Variants in CTIF observed in about 807,000 individuals in gnomAD.
CTIF encodes the protein CBP80/20-dependent translation initiation factor.
CTIF carries 21 observed loss-of-function variants against 66.0 expected under a neutral mutation model. The ratio of observed to expected loss-of-function variants is 0.32; its 90% confidence interval spans 0.23 to 0.46. The LOEUF (loss-of-function observed/expected upper bound fraction) is 0.46, where lower values mean the gene tolerates loss of function less well. CTIF is among the 20% of genes least tolerant of loss of function. The probability of loss-of-function intolerance (pLI) is 1.00; values close to 1 mark genes in which losing one functional copy is unlikely to be tolerated. For synonymous variants in CTIF, 345 were observed against 326.4 expected (o/e 1.06, Z -0.62); for missense variants, 739 against 812.7 (o/e 0.91, Z 1.10).
At chr18:48,843,807 C>G (rs2069006182) in intron 10 of CTIF, among the ~76,000 whole-genome samples, 1 of 152,170 alleles carries the variant, frequency 6.6e-6, no homozygotes. Flanking sequence ...TTTGGCCGGC[C>G]TCTCCCCATC....
intron 1 of CTIF, among the ~76,000 whole-genome samples, chr18:48,603,910 G>A (rs1323589094): frequency 8.0e-5 from 12 of 150,112 alleles, no homozygotes; most frequent in East Asian, 5.9e-4. Context: ...GAGCAGAGGC[G>A]CAATCTTGGC....
intron 9 of CTIF, among the ~76,000 whole-genome samples, chr18:48,812,957 T>C (rs533846917): frequency 3.7e-4 from 57 of 152,276 alleles, no homozygotes; most frequent in African/African-American, 1.3e-3. Context: ...AAAACTTCTC[T>C]AATTCACAGA....
Position 48,823,594 on chromosome 18 carries a change from G to A in CTIF, c.1527+6218G>A, listed in dbSNP as rs1487361443. ...GGGATACATTTTGAAATTAGGAAGT[G>A]TGATTGCCTCAAGCTTTGTTCTTCT... On this transcript the variant is annotated intron_variant, in intron 10 of 11. Transcript: ENST00000256413. Among the ~76,000 whole-genome samples the A allele has an allele frequency of 3.9e-5, 6 of 152,210 alleles. No homozygotes were observed. In the South Asian group the frequency reaches 1.2e-3, roughly 32 times the overall value.
At chr18:48,813,049 A>G (rs576218875) in intron 9 of CTIF, among the ~76,000 whole-genome samples, 2 of 148,440 alleles carry the variant, frequency 1.3e-5, no homozygotes, top group South Asian at 2.1e-4. Flanking sequence ...TTTCTGGTCT[A>G]TTTATCTATT....
chr18:48,838,129 G>A (rs963639234), intron 10 of CTIF, among the ~76,000 whole-genome samples: 1 of 152,202 alleles, frequency 6.6e-6, no homozygotes. Flanking sequence ...AGTAGGAAGA[G>A]TTCTCACTTC....
At chr18:48,772,496 C>CCTACAGCAATAACTCCA (rs1910254898) in intron 9 of CTIF, among the ~76,000 whole-genome samples, 1 of 152,062 alleles carries the variant, frequency 6.6e-6, no homozygotes, top group Non-Finnish European at 1.5e-5. Flanking sequence ...CAATAACTCC[C>CCTACAGCAATAACTCCA]CTACAGCAAT....
chr18:48,581,799 G>A (rs1361337365), intron 1 of CTIF, among the ~76,000 whole-genome samples: 1 of 152,172 alleles, frequency 6.6e-6, no homozygotes, highest in Non-Finnish European at 1.5e-5. Flanking sequence ...TCATAGCAAG[G>A]CAGGGAGGGA....
chr18:48,656,920 A>G lies in CTIF; in HGVS notation c.253-6832A>G, dbSNP rs191365716. On this transcript the variant is annotated intron_variant, in intron 3 of 11. Transcript: ENST00000256413. ...ACTGCAGAATGTTCTTTAAGAGGCC[A>G]CTGAGGTTTTGATGGGTAGCTGACA... 4.4e-3 allele frequency among the ~76,000 whole-genome samples: 664 copies of G among 152,312 alleles called. 2 individuals are homozygous for G. The highest frequency in any genetic ancestry group is 7.0e-3 in the Non-Finnish European group (475 of 68,028).
In CTIF at chr18:48,787,047, G is replaced by A. The variant is rs146534924; in HGVS notation, c.1371+25358G>A. Among the ~76,000 whole-genome samples the A allele has an allele frequency of 7.9e-4, 120 of 152,286 alleles. 2 individuals are homozygous for A. In the East Asian group the frequency reaches 0.022, roughly 28 times the overall value. On this transcript the variant is annotated intron_variant, in intron 9 of 11. Transcript: ENST00000256413. ...TCAGCAGCCTGGGAGGGGCCCTGTG[G>A]CTGGGAGTTTGTTTGAAGCCTCCAG...
Position 48,619,544 on chromosome 18 carries a change from C to A in CTIF, c.-22C>A. 6.7e-7 allele frequency: 1 copy of A among 1,484,796 alleles called. No homozygotes were observed. Among genetic ancestry groups the A allele is most frequent in the East Asian group, 2.5e-5 (1 of 39,792 alleles). 92.0% of individuals were successfully genotyped at this position (1,484,796 alleles called of 1,614,324 possible). On this transcript the variant is annotated 5_prime_UTR_variant, in exon 2 of 12. Coordinates refer to ENST00000256413, the MANE Select transcript of CTIF (RefSeq NM_014772.3). ...CTGTCCTCTTTCCCACCAGTCCCGG[C>A]CCAGGCCCCTGAGCTGGAGGGATGG...
At chr18:48,823,426 C>T (rs557478290) in intron 10 of CTIF, among the ~76,000 whole-genome samples, 2 of 152,310 alleles carry the variant, frequency 1.3e-5, no homozygotes, top group South Asian at 2.1e-4. Flanking sequence ...ACTGTCTTTT[C>T]CCCATTGTGT....
intron 11 of CTIF, 60 bp from the exon 12 acceptor site, chr18:48,859,284 G>A (rs2069402495): frequency 4.9e-6 from 7 of 1,430,428 alleles, no homozygotes; most frequent in African/African-American, 1.4e-5. Context: ...ACCTAATCAG[G>A]GTGGCCAGTG....
At chr18:48,828,861 G>T (rs1176366580) in intron 10 of CTIF, among the ~76,000 whole-genome samples, 1 of 152,210 alleles carries the variant, frequency 6.6e-6, no homozygotes, top group Non-Finnish European at 1.5e-5. Context: ...CACCTTCCCA[G>T]CCCCCAGCCC....
intron 2 of CTIF, among the ~76,000 whole-genome samples, chr18:48,633,350 CATT>C (rs2090755912): frequency 6.6e-6 from 1 of 152,150 alleles, no homozygotes; most frequent in Admixed American, 6.5e-5. Context: ...GTACTTTAAA[CATT>C]ATACATACGT....
At chr18:48,623,593 A>AG (rs2090537809) in intron 2 of CTIF, among the ~76,000 whole-genome samples, 3 of 151,442 alleles carry the variant, frequency 2.0e-5, no homozygotes, top group Admixed American at 1.3e-4. Flanking sequence ...AAGAAAAAAA[A>AG]AAACAGCAAA....
intron 1 of CTIF, among the ~76,000 whole-genome samples, chr18:48,557,597 G>A (rs1157153169): frequency 6.6e-6 from 1 of 152,202 alleles, no homozygotes; most frequent in Non-Finnish European, 1.5e-5. Flanking sequence ...CCTCTGGCTT[G>A]GTGCTGAATT....
intron 1 of CTIF, among the ~76,000 whole-genome samples, chr18:48,589,262 G>T (rs1383125780): frequency 6.6e-6 from 1 of 152,170 alleles, no homozygotes; most frequent in Non-Finnish European, 1.5e-5. Context: ...CCTTCTGAGG[G>T]CCGTCAGGGG....
chr18:48,819,453 C>T (rs1194378275), intron 10 of CTIF, among the ~76,000 whole-genome samples: 1 of 152,222 alleles, frequency 6.6e-6, no homozygotes, highest in African/African-American at 2.4e-5. Flanking sequence ...GATCTGGACA[C>T]CTCCTGGTGT....
chr18:48,803,796 T>C (rs909006648), intron 9 of CTIF, among the ~76,000 whole-genome samples: 1 of 152,202 alleles, frequency 6.6e-6, no homozygotes, highest in African/African-American at 2.4e-5. Flanking sequence ...GTCTTCCTTT[T>C]GGCTCAAGAA....
Sources: gnomAD v4.1 joint callset for allele counts (sites outside exome capture counted in the v4.1 genomes callset) on GRCh38, gnomAD v4.1.1 for gene constraint, MANE v1.5 for transcripts, NCBI Gene and HGNC (gene_info 2026-07-23, HGNC 2026-07-21) for gene names.